Variants in PRP4K observed in about 807,000 individuals in gnomAD.
PRP4K encodes the protein pre-mRNA processing factor kinase PRP4K, also known as serine/threonine-protein kinase PRP4 homolog.
chr6:4,056,795 A>G, the PRP4K span: 1 of 1,312,156 alleles, frequency 7.6e-7, no homozygotes, highest in South Asian at 1.4e-5. Context: ...AAAGAGAAGA[A>G]ATACATATTT....
the PRP4K span, chr6:4,032,153 A>T: frequency 6.2e-7 from 1 of 1,613,778 alleles, no homozygotes; most frequent in South Asian, 1.1e-5. Context: ...AAGAGAAAAC[A>T]ACTAGGAGCA....
the PRP4K span, chr6:4,049,652 T>G: frequency 7.2e-7 from 1 of 1,380,910 alleles, no homozygotes; most frequent in Non-Finnish European, 9.9e-7. Context: ...ACACAATTTT[T>G]AAATGACTGC....
the PRP4K span, among the ~76,000 whole-genome samples, chr6:4,023,522 G>A: frequency 2.0e-5 from 3 of 152,088 alleles, no homozygotes; most frequent in East Asian, 5.8e-4. Flanking sequence ...TTTTTAAATT[G>A]CTTGTCAAGT....
chr6:4,063,288 T>TC, the PRP4K span: 1 of 152,130 alleles, frequency 6.6e-6, no homozygotes, highest in South Asian at 2.1e-4. Context: ...TTCCTGCCTC[T>TC]CCCCTCCCCC....
chr6:4,041,020 A>ATT, the PRP4K span: 2 of 1,280,960 alleles, frequency 1.6e-6, no homozygotes, highest in Non-Finnish European at 2.2e-6. Flanking sequence ...CCTAAATATT[A>ATT]TAAGTGGCTC....
chr6:4,060,904 G>A, the PRP4K span: 3 of 360,600 alleles, frequency 8.3e-6, no homozygotes, highest in African/African-American at 6.2e-5. The surrounding 1 kb of genome is among the most constrained non-coding windows in gnomAD (Gnocchi z 4.7). Context: ...CATCTGTTAT[G>A]AAATGAGTAG....
At chr6:4,032,216 A>G in the PRP4K span, 2 of 1,614,092 alleles carry the variant, frequency 1.2e-6, no homozygotes, top group Admixed American at 1.7e-5. Flanking sequence ...GTAAGTCTCA[A>G]GATCAAGCAA....
chr6:4,021,358 T>A, the PRP4K span: 1 of 1,548,890 alleles, frequency 6.5e-7, no homozygotes, highest in Non-Finnish European at 8.7e-7. Flanking sequence ...TCCTTCTTCC[T>A]CCACTTCCCC....
the PRP4K span, among the ~76,000 whole-genome samples, chr6:4,044,860 A>ATTTTTT: frequency 1.7e-5 from 2 of 119,310 alleles, no homozygotes. Flanking sequence ...TATTATTATT[A>ATTTTTT]TTATTTTTTT....
chr6:4,046,732 ACTG>A, the PRP4K span, among the ~76,000 whole-genome samples: 1 of 150,582 alleles, frequency 6.6e-6, no homozygotes, highest in Non-Finnish European at 1.5e-5. Flanking sequence ...ATCTCAGCTC[ACTG>A]CTACCTCCCT....
At chr6:4,032,846 G>A in the PRP4K span, 1 of 1,304,782 alleles carries the variant, frequency 7.7e-7, no homozygotes. Context: ...AAATGAAGTA[G>A]TAAGTAAAAA....
At chr6:4,058,640 A>G in the PRP4K span, 1 of 935,042 alleles carries the variant, frequency 1.1e-6, no homozygotes, top group Non-Finnish European at 1.7e-6. Flanking sequence ...TAAATAACAT[A>G]CTTATTTGAC....
the PRP4K span, chr6:4,021,476 C>G: frequency 6.3e-7 from 1 of 1,578,342 alleles, no homozygotes; most frequent in Non-Finnish European, 8.6e-7. Flanking sequence ...AGTAAGTAGT[C>G]TCTGTGAGTG....
At chr6:4,049,222 C>T in the PRP4K span, 1 of 970,352 alleles carries the variant, frequency 1.0e-6, no homozygotes, top group Non-Finnish European at 1.5e-6. Flanking sequence ...ACAGTGCCAT[C>T]TTTAAAAATT....
chr6:4,027,592 C>CGGGGGGGGGGGGGGGGGGGGG, the PRP4K span, among the ~76,000 whole-genome samples: 1 of 7,904 alleles, frequency 1.3e-4, no homozygotes, highest in African/African-American at 3.7e-4. Flanking sequence ...GCTTATTTGG[C>CGGGGGGGGGGGGGGGGGGGGG]GGAGGGGTGG....
chr6:4,055,113 C>G, the PRP4K span, among the ~76,000 whole-genome samples: 1 of 152,112 alleles, frequency 6.6e-6, no homozygotes, highest in Non-Finnish European at 1.5e-5. Context: ...GTTTAAGTAC[C>G]ACATTCCTCA....
chr6:4,048,564 T>TC, the PRP4K span, among the ~76,000 whole-genome samples: 1 of 152,068 alleles, frequency 6.6e-6, no homozygotes, highest in East Asian at 1.9e-4. Flanking sequence ...TTCTTTTTTT[T>TC]CTCTTTTGTT....
At chr6:4,025,624 G>A in the PRP4K span, among the ~76,000 whole-genome samples, 1 of 152,170 alleles carries the variant, frequency 6.6e-6, no homozygotes, top group East Asian at 1.9e-4. Flanking sequence ...TCACTCATGG[G>A]AATGACCCTT....
chr6:4,031,355 A>G, the PRP4K span, among the ~76,000 whole-genome samples: 2 of 152,226 alleles, frequency 1.3e-5, no homozygotes, highest in Non-Finnish European at 2.9e-5. Flanking sequence ...CATTAGAAAC[A>G]CAATAAAGTT....
Sources: gnomAD v4.1 joint callset for allele counts (sites outside exome capture counted in the v4.1 genomes callset) on GRCh38, gnomAD v4.1.1 for gene constraint, Gnocchi (gnomAD v3.1) non-coding constraint, MANE v1.5 for transcripts, NCBI Gene and HGNC (gene_info 2026-07-23, HGNC 2026-07-21) for gene names.